Variants in PLXNA2 observed in about 807,000 individuals in gnomAD.
The protein encoded by PLXNA2 is plexin A2.
In PLXNA2, 91 loss-of-function variants were observed where a neutral mutation model predicts 193.5. The ratio of observed to expected loss-of-function variants is 0.47; its 90% confidence interval spans 0.40 to 0.56. The LOEUF is 0.56. Among genes scored for constraint, PLXNA2 ranks in the 20% least tolerant of loss-of-function variants. PLXNA2 has a pLI of 0.00. For missense variants in PLXNA2, 1,995 were observed against 2,503.2 expected, an observed-to-expected ratio of 0.80 and a Z score of 4.33; for synonymous variants, 997 against 1,027.3, an observed-to-expected ratio of 0.97 and a Z score of 0.56.
At chr1:208,156,772 A>G (rs946510435) in intron 3 of PLXNA2, among the ~76,000 whole-genome samples, 4 of 152,192 alleles carry the variant, frequency 2.6e-5, no homozygotes, top group Non-Finnish European at 5.9e-5. Flanking sequence ...ATTTTATTCA[A>G]CTTTTAGCAG....
At chr1:208,090,561 CCA>C (rs1666674460) in intron 9 of PLXNA2, among the ~76,000 whole-genome samples, 1 of 152,144 alleles carries the variant, frequency 6.6e-6, no homozygotes, top group Non-Finnish European at 1.5e-5. Context: ...TCTCTGGCCT[CCA>C]CACACACCCC....
chr1:208,230,866 T>G (rs1671668121), intron 1 of PLXNA2, among the ~76,000 whole-genome samples: 2 of 152,290 alleles, frequency 1.3e-5, no homozygotes, highest in South Asian at 4.1e-4. Context: ...ACAGGCACGC[T>G]CACAATTACA....
chr1:208,075,843 G>C (rs919967504), intron 12 of PLXNA2, among the ~76,000 whole-genome samples: 1 of 152,084 alleles, frequency 6.6e-6, no homozygotes, highest in African/African-American at 2.4e-5. Flanking sequence ...CGGATCACTT[G>C]AGGTCAGGAG....
intron 4 of PLXNA2, among the ~76,000 whole-genome samples, chr1:208,125,028 T>A (rs566609366): frequency 1.3e-4 from 20 of 152,352 alleles, no homozygotes; most frequent in African/African-American, 4.8e-4. Context: ...GTTTTCTCAA[T>A]GGATACTGTG....
chr1:208,206,333 A>T, intron 3 of PLXNA2, among the ~76,000 whole-genome samples: 1 of 152,230 alleles, frequency 6.6e-6, no homozygotes, highest in East Asian at 1.9e-4. Context: ...ATGAAGACTA[A>T]CTTTGTTGAA....
At chr1:208,096,987 C>CCTG in intron 6 of PLXNA2, 104 bp from the exon 7 acceptor site, 1 of 972,786 alleles carries the variant, frequency 1.0e-6, no homozygotes. Flanking sequence ...CTCCCCTGAC[C>CCTG]TCATCTATAA....
intron 4 of PLXNA2, among the ~76,000 whole-genome samples, chr1:208,136,613 T>C (rs1571956159): frequency 2.6e-5 from 4 of 152,316 alleles, no homozygotes; most frequent in Admixed American, 2.6e-4. Context: ...GCCTGTATAT[T>C]GAGGGGAGCG....
At chr1:208,100,577 A>G (rs1208669887) in intron 5 of PLXNA2, among the ~76,000 whole-genome samples, 1 of 152,184 alleles carries the variant, frequency 6.6e-6, no homozygotes, top group Admixed American at 6.5e-5. Context: ...GCAGTGTGGG[A>G]CAGTGTGCAT....
chr1:208,240,632 G>A (rs1374455971), intron 1 of PLXNA2, among the ~76,000 whole-genome samples: 5 of 151,968 alleles, frequency 3.3e-5, no homozygotes, highest in East Asian at 3.9e-4. Context: ...AGGGGGGAAC[G>A]CACACGAGCT....
Position 208,049,474 on chromosome 1 carries a change from G to C in PLXNA2, c.3255+1535C>G, listed in dbSNP as rs1293399997. On this transcript the variant is annotated intron_variant, in intron 17 of 31. Coordinates refer to ENST00000367033, the MANE Select transcript of PLXNA2 (RefSeq NM_025179.4). ...ACCCATGGATCAAGTTCTACACCTGGCAGAAGGAGGCATGCGCTCACCTAG... is the reference window on the plus strand; with the variant it reads ...ACCCATGGATCAAGTTCTACACCTGCCAGAAGGAGGCATGCGCTCACCTAG... Among the ~76,000 whole-genome samples, 5 of 152,166 alleles carry C rather than the reference G, an allele frequency of 3.3e-5. No homozygotes were observed. The East Asian group carries it at 7.7e-4, about 24-fold the overall frequency.
chr1:208,150,752 T>G (rs74155863), intron 3 of PLXNA2, among the ~76,000 whole-genome samples: 2,296 of 152,242 alleles, frequency 0.015, 44 homozygotes, highest in African/African-American at 0.05. Context: ...CATGCCTTCC[T>G]ACAGTTAATG....
chr1:208,222,788 G>A (rs1441509891), intron 1 of PLXNA2, among the ~76,000 whole-genome samples: 2 of 152,170 alleles, frequency 1.3e-5, no homozygotes, highest in African/African-American at 4.8e-5. Flanking sequence ...GGTGGAAAGA[G>A]AATTTAGATT....
chr1:208,130,299 T>C (rs1297563528), intron 4 of PLXNA2, among the ~76,000 whole-genome samples: 1 of 152,174 alleles, frequency 6.6e-6, no homozygotes, highest in African/African-American at 2.4e-5. Context: ...AGTGTAAAGC[T>C]GGGAGGAGAA....
chr1:208,241,940 T>A (rs1292959613), intron 1 of PLXNA2, among the ~76,000 whole-genome samples: 1 of 152,130 alleles, frequency 6.6e-6, no homozygotes, highest in Non-Finnish European at 1.5e-5. Flanking sequence ...CCCTTTCTCT[T>A]CACTGCCCCT....
intron 2 of PLXNA2, among the ~76,000 whole-genome samples, chr1:208,211,517 C>A (rs1670944206): frequency 6.6e-6 from 1 of 152,060 alleles, no homozygotes; most frequent in Non-Finnish European, 1.5e-5. Context: ...CATAGTGAAA[C>A]CCTGTCTCTA....
At chr1:208,233,349 G>C (rs78691672) in intron 1 of PLXNA2, among the ~76,000 whole-genome samples, 8,647 of 152,218 alleles carry the variant, frequency 0.057, 362 homozygotes, top group East Asian at 0.13. Context: ...TCTTCTCCCA[G>C]GTGAAGCTTT....
intron 29 of PLXNA2, chr1:208,031,357 A>G: frequency 7.3e-7 from 1 of 1,376,320 alleles, no homozygotes; most frequent in Non-Finnish European, 9.4e-7. Context: ...GCAGAATTCA[A>G]GGGTGCATCC....
chr1:208,040,308 G>A (rs12734403), intron 22 of PLXNA2: 399,656 of 539,090 alleles, frequency 0.74, 150,858 homozygotes, highest in Non-Finnish European at 0.8. Context: ...CTGATGGTCC[G>A]TGGTGCTCTG....
At position 208,171,193 on chromosome 1, in the gene PLXNA2, G is replaced by A. The variant is rs185848229; in HGVS notation, c.1372-28730C>T. Reference sequence around the variant, plus strand: ...ATCAAAGAAGAGCAGTGTGGTGGTAGTGCAGGGTGCCATGTTGGCACTGTC... The same window carrying A: ...ATCAAAGAAGAGCAGTGTGGTGGTAATGCAGGGTGCCATGTTGGCACTGTC... On this transcript the variant is annotated intron_variant, in intron 3 of 31. Transcript: ENST00000367033. 9.2e-5 allele frequency among the ~76,000 whole-genome samples: 14 copies of A among 152,344 alleles called. 1 individual carries two copies. In the East Asian group the frequency reaches 2.1e-3, roughly 23 times the overall value.
Sources: gnomAD v4.1 joint callset for allele counts (sites outside exome capture counted in the v4.1 genomes callset) on GRCh38, gnomAD v4.1.1 for gene constraint, MANE v1.5 for transcripts, NCBI Gene and HGNC (gene_info 2026-07-23, HGNC 2026-07-21) for gene names.